The following CDH13 variants were observed in gnomAD, a reference collection of about 807,000 sequenced individuals.
CDH13 encodes the protein cadherin 13.
A neutral mutation model predicts 63.8 loss-of-function variants in CDH13; 24 were observed. That is an observed-to-expected ratio of 0.38 (90% confidence interval 0.27 to 0.53). The LOEUF (loss-of-function observed/expected upper bound fraction) is 0.53. CDH13 is among the 20% of genes least tolerant of loss of function. The probability of loss-of-function intolerance (pLI) is 0.85; values close to 1 mark genes in which losing one functional copy is unlikely to be tolerated. For synonymous variants in CDH13, 503 were observed against 355.3 expected, an observed-to-expected ratio of 1.42 and a Z score of -4.67; for missense variants, 1,049 against 903.1, an observed-to-expected ratio of 1.16 and a Z score of -2.07.
intron 1 of CDH13, among the ~76,000 whole-genome samples, chr16:82,715,701 G>A (rs2032317622): frequency 6.6e-6 from 1 of 152,130 alleles, no homozygotes; most frequent in Admixed American, 6.5e-5. Context: ...ACTGTGGAAG[G>A]GGAGACACTC....
intron 7 of CDH13, among the ~76,000 whole-genome samples, chr16:83,540,364 T>C (rs1012444128): frequency 6.6e-6 from 1 of 152,210 alleles, no homozygotes. Context: ...CGATGCGCAG[T>C]GTTTCTTGTG....
intron 13 of CDH13, among the ~76,000 whole-genome samples, chr16:83,785,549 GC>G (rs1346443334): frequency 1.3e-5 from 2 of 152,188 alleles, no homozygotes; most frequent in African/African-American, 4.8e-5. Context: ...ATGCTTGTTT[GC>G]CCCCTTGCTT....
intron 1 of CDH13, among the ~76,000 whole-genome samples, chr16:82,783,902 G>A (rs771816744): frequency 2.6e-5 from 4 of 151,912 alleles, no homozygotes; most frequent in Admixed American, 1.3e-4. Context: ...AGAAAGAAAC[G>A]GATATAATTA....
chr16:83,050,762 C>T (rs116336439), intron 3 of CDH13, among the ~76,000 whole-genome samples: 1 of 152,118 alleles, frequency 6.6e-6, no homozygotes, highest in African/African-American at 2.4e-5. Flanking sequence ...AACGCTCATA[C>T]TGGGGTTAAC....
chr16:82,791,425 AG>A (rs1408517331), intron 1 of CDH13, among the ~76,000 whole-genome samples: 1 of 152,168 alleles, frequency 6.6e-6, no homozygotes, highest in Non-Finnish European at 1.5e-5. Context: ...CTGAGAACAC[AG>A]GGGGAGCGAC....
intron 5 of CDH13, among the ~76,000 whole-genome samples, chr16:83,338,554 G>A (rs1033495992): frequency 1.3e-5 from 2 of 152,344 alleles, no homozygotes; most frequent in South Asian, 2.1e-4. Flanking sequence ...CACACCAATA[G>A]GTAATAACCC....
intron 2 of CDH13, among the ~76,000 whole-genome samples, chr16:83,020,387 C>T (rs1464501600): frequency 6.6e-6 from 1 of 152,076 alleles, no homozygotes; most frequent in Admixed American, 6.5e-5. Flanking sequence ...GGAAGGGCCT[C>T]CCCACTGCCC....
chr16:83,440,687 C>G (rs148128996), intron 6 of CDH13, among the ~76,000 whole-genome samples: 1 of 149,802 alleles, frequency 6.7e-6, no homozygotes, highest in African/African-American at 2.5e-5. Context: ...CAGGAGGCTG[C>G]GGCAGGAGAA....
chr16:82,930,196 C>T (rs933458054), intron 2 of CDH13, among the ~76,000 whole-genome samples: 1 of 152,082 alleles, frequency 6.6e-6, no homozygotes, highest in South Asian at 2.1e-4. Context: ...AGGCTGGTCT[C>T]GAACTCCTGG....
chr16:82,801,963 G>C (rs2036875351), intron 1 of CDH13, among the ~76,000 whole-genome samples: 1 of 152,176 alleles, frequency 6.6e-6, no homozygotes, highest in African/African-American at 2.4e-5. Context: ...GTGAATAAGT[G>C]GAAGGCAATA....
chr16:83,648,990 G>C (rs1345419174), intron 8 of CDH13, among the ~76,000 whole-genome samples: 1 of 152,174 alleles, frequency 6.6e-6, no homozygotes, highest in Non-Finnish European at 1.5e-5. Context: ...ATTCCCACTG[G>C]GGAACTGTGG....
intron 5 of CDH13, among the ~76,000 whole-genome samples, chr16:83,260,066 GTT>G (rs35895410): frequency 5.8e-4 from 81 of 140,388 alleles, no homozygotes; most frequent in Admixed American, 1.8e-3. Flanking sequence ...GTATATAATA[GTT>G]TTTTTTTTTT....
At chr16:82,767,037 A>G (rs1218282618) in intron 1 of CDH13, among the ~76,000 whole-genome samples, 1 of 152,066 alleles carries the variant, frequency 6.6e-6, no homozygotes, top group Non-Finnish European at 1.5e-5. Context: ...AATCTACCTC[A>G]TGTTTTCGAT....
At chr16:82,811,129 G>A (rs1357397179) in intron 1 of CDH13, among the ~76,000 whole-genome samples, 6 of 152,096 alleles carry the variant, frequency 3.9e-5, no homozygotes, top group African/African-American at 1.2e-4. Context: ...TAATAGACAG[G>A]CATAGGTGTC....
At chr16:82,736,869 T>G (rs553053223) in intron 1 of CDH13, among the ~76,000 whole-genome samples, 1 of 151,018 alleles carries the variant, frequency 6.6e-6, no homozygotes. Flanking sequence ...CTTGGTTGTC[T>G]TCCTCAATCC....
chr16:83,073,854 T>G (rs759891713), intron 3 of CDH13, among the ~76,000 whole-genome samples: 10 of 152,108 alleles, frequency 6.6e-5, no homozygotes, highest in South Asian at 2.1e-4. Flanking sequence ...ATTTTTAAGT[T>G]TTTTATTGAC....
intron 2 of CDH13, among the ~76,000 whole-genome samples, chr16:82,929,439 G>T (rs534330719): frequency 6.6e-6 from 1 of 151,748 alleles, no homozygotes; most frequent in Admixed American, 6.6e-5. Flanking sequence ...TCAGGAGATC[G>T]AGACCATCCT....
intron 3 of CDH13, among the ~76,000 whole-genome samples, chr16:83,115,900 C>G (rs537428953): frequency 2.0e-5 from 3 of 152,222 alleles, no homozygotes; most frequent in East Asian, 1.9e-4. Context: ...GACAAATTAT[C>G]TGGACACTGT....
rs548598288 is a variant in CDH13, at chr16:83,768,030, A to G, written c.1682-11938A>G. Among the ~76,000 whole-genome samples, 17 of 152,338 alleles carry G rather than the reference A, an allele frequency of 1.1e-4. No homozygotes were observed. The South Asian group carries it at 2.5e-3, about 22-fold the overall frequency. On this transcript the variant is annotated intron_variant, in intron 11 of 13. Transcript: ENST00000567109. Reference sequence around the variant, plus strand: ...AAAAAAATATTTTTAATCCCTGCATAATTCTGAGTTTAACATGTTCATGGT... The same window carrying G: ...AAAAAAATATTTTTAATCCCTGCATGATTCTGAGTTTAACATGTTCATGGT...
Sources: gnomAD v4.1 joint callset for allele counts (sites outside exome capture counted in the v4.1 genomes callset) on GRCh38, gnomAD v4.1.1 for gene constraint, MANE v1.5 for transcripts, NCBI Gene and HGNC (gene_info 2026-07-23, HGNC 2026-07-21) for gene names.